LST1: variants seen among roughly 807,000 people sequenced by gnomAD.
The protein encoded by LST1 is leukocyte-specific transcript 1 protein.
A neutral mutation model predicts 8.5 loss-of-function variants in LST1; 9 were observed. That is an observed-to-expected ratio of 1.06 (90% CI 0.64 to 1.85). LST1 has a LOEUF of 1.85. Among genes scored for constraint, LST1 ranks in the 40% most tolerant of loss-of-function variants. LST1 has a pLI of 0.00. For synonymous variants in LST1, 53 were observed against 50.4 expected (o/e 1.05, Z -0.21); for missense variants, 121 against 117.1 (o/e 1.03, Z -0.16).
chr6:31,588,503 C>G lies in LST1; in HGVS notation c.136-15C>G. On this transcript the variant is annotated splice_polypyrimidine_tract_variant and intron_variant, in intron 4 of 4. Coordinates refer to ENST00000438075, the MANE Select transcript of LST1 (RefSeq NM_205839.3). ...CGGCATCGCCTCCCATCAGCACCTT[C>G]TGTCCTGGTCCCAGGCCCAGGGCTC... is the stretch of plus-strand genomic sequence containing the variant. 6.3e-7 allele frequency: 1 copy of G among 1,585,924 alleles called. No individual in the cohort carries two copies. The highest frequency in any genetic ancestry group is 8.6e-7 in the Non-Finnish European group (1 of 1,166,320).
At position 31,587,646 on chromosome 6, in the gene LST1, T is replaced by C. The variant is rs565781765; in HGVS notation, c.25T>C (p.Cys9Arg). The C allele has an allele frequency of 1.8e-4, 292 of 1,596,202 alleles. No individual in the cohort carries two copies. The highest frequency in any genetic ancestry group is 2.4e-4 in the Non-Finnish European group (281 of 1,170,354). The change falls in exon 3 of 5, where the codon TGT becomes CGT. Residue 9 changes from cysteine to arginine, a missense_variant. Cys to Arg is a radical substitution (Grantham distance 180). Coordinates refer to ENST00000438075, the MANE Select transcript of LST1 (RefSeq NM_205839.3). MLSRNDDI[C>R]IYGGLGLGGL... ...TTGAGCCCTCTTCCCTGAAGATATA[T>C]GTATCTACGGGGGCCTGGGGCTGGG... is the stretch of plus-strand genomic sequence containing the variant.
At position 31,588,719 on chromosome 6, in the gene LST1, C is replaced by A; in HGVS notation, c.*43C>A. ...CTCAACCCAGGCGGGTGGACAGGGT[C>A]CCCCTGTGGTCCAGCCAGTAAAAAC... On this transcript the variant is annotated 3_prime_UTR_variant, in exon 5 of 5. Transcript: ENST00000438075. The A allele has an allele frequency of 1.2e-6, 2 of 1,605,052 alleles. No homozygotes were observed. The highest frequency in any genetic ancestry group is 1.7e-6 in the Non-Finnish European group (2 of 1,172,714).
At chr6:31,588,069 A>G in intron 4 of LST1, 103 bp downstream of exon 4, 1 of 1,229,332 alleles carries the variant, frequency 8.1e-7, no homozygotes, top group Non-Finnish European at 1.1e-6. Flanking sequence ...GACGGGAGAC[A>G]AGGAGAGAGA....
At chr6:31,588,398 GAGA>G (rs1772233604) in intron 4 of LST1, 117 bp from the exon 5 acceptor site, 9 of 955,930 alleles carry the variant, frequency 9.4e-6, no homozygotes, top group African/African-American at 5.0e-5. Context: ...GAGAGAGAGA[GAGA>G]GGGAGAGAGA....
chr6:31,587,827 G>C (rs997438511), intron 3 of LST1, 94 bp downstream of exon 3: 2 of 1,525,256 alleles, frequency 1.3e-6, no homozygotes, highest in African/African-American at 2.7e-5. Context: ...ACACTGCCTG[G>C]CCCTGGAGCC....
chr6:31,588,553 A>T lies in LST1; in HGVS notation c.171A>T (p.Ala57=), dbSNP rs1772279525. The stretch of plus-strand genomic sequence containing the variant: ...CCTCAGAGCAGGAACTCCACTATGC[A>T]TCTCTGCAGAGGCTGCCAGTGCCCA... The part of the protein sequence containing the change: ...QGSSEQELHY[A]SLQRLPVPSS... The change falls in exon 5 of 5, where the codon GCA becomes GCT. Residue 57 remains alanine (A), a synonymous_variant. Transcript: ENST00000438075. 1 of 1,612,016 alleles carries T rather than the reference A, an allele frequency of 6.2e-7. No homozygotes were observed. Among genetic ancestry groups the T allele is most frequent in the Non-Finnish European group, 8.5e-7 (1 of 1,179,528 alleles).
At chr6:31,588,218 C>T in intron 4 of LST1, 1 of 573,806 alleles carries the variant, frequency 1.7e-6, no homozygotes, top group Non-Finnish European at 3.1e-6. Flanking sequence ...AAGAGAAGAG[C>T]AATGAAAGAG....
At chr6:31,586,936 C>A (rs879764426) in intron 1 of LST1, 1 of 343,710 alleles carries the variant, frequency 2.9e-6, no homozygotes, top group African/African-American at 2.1e-5. Context: ...CTCCAAACCA[C>A]GTGGTCAGCC....
chr6:31,586,698 C>T (rs987686859), intron 1 of LST1: 5 of 152,978 alleles, frequency 3.3e-5, no homozygotes, highest in African/African-American at 1.2e-4. Context: ...CTCCATGCCC[C>T]ACTTCAGCCC....
rs1271172742 is a variant in LST1, at chr6:31,587,740, G to C, written c.112+7G>C. The C allele has an allele frequency of 6.3e-7, 1 of 1,582,884 alleles. No homozygotes were observed. Among genetic ancestry groups the C allele is most frequent in the Non-Finnish European group, 8.6e-7 (1 of 1,164,178 alleles). ...TGTTGGCTGCATCGAAGAGGTGAGC[G>C]CTGCACTCCCTCCCTCCCCCTGCAG... is the stretch of plus-strand genomic sequence containing the variant. On this transcript the variant is annotated splice_region_variant and intron_variant, in intron 3 of 4. Coordinates refer to ENST00000438075, the MANE Select transcript of LST1 (RefSeq NM_205839.3).
chr6:31,588,491 C>T, intron 4 of LST1, 27 bp from the exon 5 acceptor site: 1 of 1,574,750 alleles, frequency 6.4e-7, no homozygotes, highest in Non-Finnish European at 8.6e-7. Context: ...CATCGCCTCC[C>T]ATCAGCACCT....
At chr6:31,587,516 G>C in intron 2 of LST1, 125 bp from the exon 3 acceptor site, 1 of 804,964 alleles carries the variant, frequency 1.2e-6, no homozygotes, top group Non-Finnish European at 2.0e-6. Context: ...GAGAAGCTCT[G>C]AGGGTATATT....
chr6:31,587,812 C>T (rs1274825391), intron 3 of LST1, 79 bp downstream of exon 3: 1 of 1,511,462 alleles, frequency 6.6e-7, no homozygotes, highest in African/African-American at 1.4e-5. Flanking sequence ...CACTGCTTTC[C>T]CAGAACACTG....
rs768684640 is a variant in LST1, at chr6:31,588,652, C to A, written c.270C>A (p.Cys90Ter). Residue 90 changes from cysteine (C) to a stop codon, truncating the protein, a stop_gained, in exon 5 of 5, where the codon TGC becomes TGA. Coordinates refer to ENST00000438075, the MANE Select transcript of LST1 (RefSeq NM_205839.3). LOFTEE classifies it high-confidence loss of function. ...AGGATCCAAGAGCTGACTATGCCTG[C>A]ATTGCTGAGAACAAACCCACCTGAG... ...TKEDPRADYA[C>*]IAENKPT The A allele has an allele frequency of 6.8e-6, 11 of 1,613,176 alleles. No homozygotes were observed. In the South Asian group the frequency reaches 1.1e-4, roughly 16 times the overall value.
chr6:31,587,583 G>T (rs565181341), intron 2 of LST1, 58 bp from the exon 3 acceptor site: 2 of 1,119,004 alleles, frequency 1.8e-6, no homozygotes, highest in East Asian at 5.0e-5. Context: ...CCAACCAGGA[G>T]GCTGGGGTAC....
intron 4 of LST1, 111 bp from the exon 5 acceptor site, chr6:31,588,402 GGGAGA>G: frequency 2.4e-6 from 2 of 845,492 alleles, no homozygotes; most frequent in Non-Finnish European, 1.8e-6. Context: ...GAGAGAGAGA[GGGAGA>G]GAGAGAGAGA....
chr6:31,588,674 T>A lies in LST1; in HGVS notation c.292T>A (p.Ter98ArgextTer57), dbSNP rs771996215. 6.2e-7 allele frequency: 1 copy of A among 1,613,128 alleles called. No homozygotes were observed. The highest frequency in any genetic ancestry group is 8.5e-7 in the Non-Finnish European group (1 of 1,180,018). ...YACIAENKPT[*>R] ...CTGCATTGCTGAGAACAAACCCACC[T>A]GAGCACCCCAGACACCTTCCTCAAC... Residue 98 changes from the stop codon to arginine (R), a stop_lost, in exon 5 of 5, where the codon TGA (stop) becomes AGA (arginine). Coordinates refer to ENST00000438075, the MANE Select transcript of LST1 (RefSeq NM_205839.3).
In LST1 at chr6:31,586,946, C is replaced by G. The variant is rs1583070415; in HGVS notation, c.-100-254C>G. On this transcript the variant is annotated intron_variant, in intron 1 of 4. Coordinates refer to ENST00000438075, the MANE Select transcript of LST1 (RefSeq NM_205839.3). ...GTCCCCTCCAAACCACGTGGTCAGC[C>G]CAGGGCAGAGGAAAGGGCTGGGCTC... is the stretch of plus-strand genomic sequence containing the variant. 7.0e-6 allele frequency: 3 copies of G among 428,814 alleles called. No homozygotes were observed. The East Asian group carries it at 1.3e-4, about 19-fold the overall frequency. The allele number at this position is 428,814 out of a possible 1,614,324, so 26.6% of individuals were successfully genotyped here. A position where few individuals can be genotyped will look rare whatever the true frequency, so the allele number is the denominator to read the frequency against.
At chr6:31,586,497 G>A (rs1771944556) in intron 1 of LST1, among the ~76,000 whole-genome samples, 182 bp downstream of exon 1, 1 of 152,158 alleles carries the variant, frequency 6.6e-6, no homozygotes, top group Non-Finnish European at 1.5e-5. Flanking sequence ...GGCCCTTATG[G>A]CCTCCACCTG....
Sources: allele counts gnomAD v4.1 joint callset (sites outside exome capture counted in the v4.1 genomes callset), GRCh38; gene constraint gnomAD v4.1.1; transcripts MANE v1.5; gene names NCBI Gene and HGNC (gene_info 2026-07-23, HGNC 2026-07-21).